Variants in MNAT1 observed in about 807,000 individuals in gnomAD.
MNAT1 encodes the protein CDK-activating kinase assembly factor MAT1.
A neutral mutation model predicts 42.0 loss-of-function variants in MNAT1; 43 were observed. That is an observed-to-expected ratio of 1.02 (90% CI 0.80 to 1.32). MNAT1 has a LOEUF of 1.32. Among genes scored for constraint, MNAT1 ranks in the 40% most tolerant of loss-of-function variants. The pLI is 0.00. For synonymous variants in MNAT1, 118 were observed against 120.0 expected, an observed-to-expected ratio of 0.98 and a Z score of 0.11; for missense variants, 306 against 350.4, an observed-to-expected ratio of 0.87 and a Z score of 1.01.
chr14:60,967,877 A>G (rs1180134733), intron 7 of MNAT1, among the ~76,000 whole-genome samples: 2 of 152,232 alleles, frequency 1.3e-5, no homozygotes, highest in Non-Finnish European at 2.9e-5. Flanking sequence ...TTTCTTAAGC[A>G]TATGCCAGGA....
chr14:60,771,611 C>G (rs905227051), intron 1 of MNAT1, among the ~76,000 whole-genome samples: 1 of 152,232 alleles, frequency 6.6e-6, no homozygotes, highest in South Asian at 2.1e-4. Flanking sequence ...TTCTGTCTTA[C>G]ATGATCATTC....
intron 1 of MNAT1, among the ~76,000 whole-genome samples, chr14:60,784,592 T>G (rs1295677199): frequency 6.6e-6 from 1 of 151,818 alleles, no homozygotes; most frequent in East Asian, 2.0e-4. Context: ...GCAGGTCTCC[T>G]GCCCCAGCCT....
At position 60,878,160 on chromosome 14, in the gene MNAT1, C is replaced by CT. The variant is rs561820677; in HGVS notation, c.688-1551dup. Among the ~76,000 whole-genome samples, 88 of 152,046 alleles carry CT rather than the reference C, an allele frequency of 5.8e-4. No individual in the cohort carries two copies. The East Asian group carries it at 0.014, about 23-fold the overall frequency. The stretch of plus-strand genomic sequence containing the variant: ...TAGACTATGCTTGTACACAAGGGAA[C>CT]TTTAAAAAGTTTGTGGAAAATGGAA... On this transcript the variant is annotated intron_variant, in intron 6 of 7. Transcript: ENST00000261245.
At position 60,969,262 on chromosome 14, in the gene MNAT1, C is replaced by T. The variant is rs2036738221; in HGVS notation, c.*913C>T. 6.6e-6 allele frequency: 1 copy of T among 152,086 alleles called. No individual in the cohort carries two copies. The highest frequency in any genetic ancestry group is 1.9e-4 in the East Asian group (1 of 5,190). 9.4% of individuals were successfully genotyped at this position (152,086 alleles called of 1,614,324 possible). On this transcript the variant is annotated 3_prime_UTR_variant, in exon 8 of 8. Transcript: ENST00000261245. Reference sequence around the variant, plus strand: ...ATAGGATGATATTGCAGCATCTCAACCTTGTATGAGTCTGTTACATAGAGC... The same window carrying T: ...ATAGGATGATATTGCAGCATCTCAATCTTGTATGAGTCTGTTACATAGAGC...
At chr14:60,780,562 C>G in intron 1 of MNAT1, 1 of 1,519,314 alleles carries the variant, frequency 6.6e-7, no homozygotes, top group Non-Finnish European at 9.1e-7. Flanking sequence ...AAGTAAATAG[C>G]ATGGTGGCCT....
rs189173337 is a variant in MNAT1, at chr14:60,859,092, A to G, written c.688-20622A>G. On this transcript the variant is annotated intron_variant, in intron 6 of 7. Coordinates refer to ENST00000261245, the MANE Select transcript of MNAT1 (RefSeq NM_002431.4). Reference sequence around the variant, plus strand: ...AAAGTTCTGGTTAAGCTTTTGTGAGATTATTACTGTGTTTGTGTGCATTAA... The same window carrying G: ...AAAGTTCTGGTTAAGCTTTTGTGAGGTTATTACTGTGTTTGTGTGCATTAA... 4.6e-5 allele frequency among the ~76,000 whole-genome samples: 7 copies of G among 152,300 alleles called. No individual in the cohort carries two copies. In the East Asian group the frequency reaches 1.4e-3, roughly 29 times the overall value.
At chr14:60,799,485 G>A (rs1444152191) in intron 3 of MNAT1, 14 of 821,992 alleles carry the variant, frequency 1.7e-5, no homozygotes, top group Non-Finnish European at 1.6e-5. Flanking sequence ...TATTCTAAAG[G>A]TAATGTGATT....
At chr14:60,784,778 T>A (rs2031589559) in intron 1 of MNAT1, among the ~76,000 whole-genome samples, 1 of 151,990 alleles carries the variant, frequency 6.6e-6, no homozygotes, top group East Asian at 1.9e-4. Flanking sequence ...AATACTCTTT[T>A]TACAGTTAGT....
rs185596990 is a variant in MNAT1 at position 60,754,578 on chromosome 14, T to C, written c.89+19627T>C. 3.3e-5 allele frequency among the ~76,000 whole-genome samples: 5 copies of C among 152,220 alleles called. No individual in the cohort carries two copies. In the East Asian group the frequency reaches 7.7e-4, roughly 24 times the overall value. ...GTTAGCCACGATGGTCTCGATCTCC[T>C]GACCTTGTGATCTGCCCGCCTCGGC... On this transcript the variant is annotated intron_variant, in intron 1 of 7. Transcript: ENST00000261245.
chr14:60,822,274 A>T (rs1233289810), intron 6 of MNAT1, among the ~76,000 whole-genome samples: 1 of 152,206 alleles, frequency 6.6e-6, no homozygotes, highest in Non-Finnish European at 1.5e-5. Flanking sequence ...GAATGGCGAG[A>T]TGTAAAAGTT....
At chr14:60,754,326 A>G (rs1009618085) in intron 1 of MNAT1, among the ~76,000 whole-genome samples, 1 of 151,002 alleles carries the variant, frequency 6.6e-6, no homozygotes, top group Non-Finnish European at 1.5e-5. Context: ...TTTTAATAAT[A>G]GGGAGAAATT....
intron 6 of MNAT1, among the ~76,000 whole-genome samples, chr14:60,871,957 G>C (rs2034334527): frequency 6.6e-6 from 1 of 152,100 alleles, no homozygotes; most frequent in South Asian, 2.1e-4. Context: ...TTCTGAATTT[G>C]ATCGAATTAT....
At chr14:60,799,145 T>C (rs2032118385) in intron 3 of MNAT1, 1 of 635,930 alleles carries the variant, frequency 1.6e-6, no homozygotes. Flanking sequence ...TGTTATGCCA[T>C]AGCAAAAGCA....
chr14:60,961,201 A>T (rs1252525491), intron 7 of MNAT1, among the ~76,000 whole-genome samples: 1 of 152,176 alleles, frequency 6.6e-6, no homozygotes, highest in Non-Finnish European at 1.5e-5. Context: ...ACCTCAGATG[A>T]TCCGCCCACC....
intron 7 of MNAT1, among the ~76,000 whole-genome samples, chr14:60,967,744 A>G (rs939333673): frequency 1.1e-4 from 17 of 152,220 alleles, no homozygotes; most frequent in African/African-American, 4.1e-4. Flanking sequence ...TGGAATATTA[A>G]AGTACTTTTG....
intron 1 of MNAT1, among the ~76,000 whole-genome samples, chr14:60,794,346 T>A (rs983561581): frequency 6.6e-6 from 1 of 151,986 alleles, no homozygotes; most frequent in Non-Finnish European, 1.5e-5. Flanking sequence ...AATTTTTCCC[T>A]GTTATTTTTT....
rs188885548 is a variant in MNAT1 at position 60,951,196 on chromosome 14, A to G, written c.810-17033A>G. Among the ~76,000 whole-genome samples the G allele has an allele frequency of 2.3e-3, 356 of 152,110 alleles. 1 individual carries two copies. Among genetic ancestry groups the G allele is most frequent in the African/African-American group, 8.4e-3 (347 of 41,488 alleles). On this transcript the variant is annotated intron_variant, in intron 7 of 7. Transcript: ENST00000261245. ...TTATTTGCAAACATCAAAAAATTCT[A>G]AACTTAATATCTTTCCTCCTTCTGA...
chr14:60,780,654 G>C, intron 1 of MNAT1: 1 of 1,000,300 alleles, frequency 1.0e-6, no homozygotes, highest in Non-Finnish European at 1.5e-6. Context: ...CTGAAATCAA[G>C]TCATCTATAG....
chr14:60,900,082 C>CTCTG (rs1271731153), intron 7 of MNAT1, among the ~76,000 whole-genome samples: 2 of 151,250 alleles, frequency 1.3e-5, no homozygotes, highest in African/African-American at 4.8e-5. Flanking sequence ...CTCTCTCTCT[C>CTCTG]TTACCTTGGA....
Sources: gnomAD v4.1 joint callset for allele counts (sites outside exome capture counted in the v4.1 genomes callset) on GRCh38, gnomAD v4.1.1 for gene constraint, MANE v1.5 for transcripts, NCBI Gene and HGNC (gene_info 2026-07-23, HGNC 2026-07-21) for gene names.